NAV3: variants seen among roughly 807,000 people sequenced by gnomAD.
The protein encoded by NAV3 is pore membrane and/or filament interacting like protein 1.
Under a neutral mutation model 244.7 loss-of-function variants are expected in NAV3, and 87 were observed. The observed-to-expected ratio is 0.36, with a 90% CI of 0.30 to 0.42. NAV3 has a LOEUF of 0.42. NAV3 is among the 20% of genes least tolerant of loss of function. The probability of loss-of-function intolerance (pLI) is 1.00; values close to 1 mark genes in which losing one functional copy is unlikely to be tolerated. For synonymous variants in NAV3, 1,126 were observed against 1,042.2 expected, an observed-to-expected ratio of 1.08 and a Z score of -1.55; for missense variants, 2,663 against 2,893.3, an observed-to-expected ratio of 0.92 and a Z score of 1.83.
chr12:78,122,113 G>A lies in NAV3; in HGVS notation c.3923G>A (p.Ser1308Asn), dbSNP rs757221734. 1 of 1,614,152 alleles carries A rather than the reference G, an allele frequency of 6.2e-7. No individual in the cohort carries two copies. The highest frequency in any genetic ancestry group is 8.5e-7 in the Non-Finnish European group (1 of 1,180,032). Residue 1308 changes from serine (S) to asparagine (N), a missense_variant, in exon 16 of 40, where the codon AGC becomes AAC. Ser to Asn is a conservative substitution (Grantham distance 46). Around this residue, in one of 6 missense-constraint regions of NAV3, gnomAD observed 354 missense variants for 413.0 expected, o/e 0.86. Transcript: ENST00000397909. ...AGTGCTGGTGGGCTAAGCGGCAGCA[G>A]CAGCCCTCTCTTCAATAAACCCTCA... The part of the protein sequence containing the change: ...MGSAGGLSGS[S>N]SPLFNKPSDL...
chr12:78,096,233 G>C (rs1426421695), intron 12 of NAV3, among the ~76,000 whole-genome samples: 2 of 152,148 alleles, frequency 1.3e-5, no homozygotes, highest in Non-Finnish European at 2.9e-5. Flanking sequence ...CTCTTCTCTG[G>C]AGAGGAACAG....
rs2138702581 is a variant in NAV3, at chr12:78,122,342, C to A, written c.4152C>A (p.Gly1384=). The A allele has an allele frequency of 6.2e-7, 1 of 1,614,130 alleles. No homozygotes were observed. The highest frequency in any genetic ancestry group is 8.5e-7 in the Non-Finnish European group (1 of 1,180,024). The change falls in exon 16 of 40, where the codon GGC becomes GGA. Residue 1384 remains glycine, a synonymous_variant. Transcript: ENST00000397909. ...TTGACCTCCCCCTCAGCCATCATGG[C>A]TCCTTGTCTGGACTGACCACAGGCA... The part of the protein sequence containing the change: ...ESIDLPLSHH[G]SLSGLTTGTH...
At chr12:77,773,483 T>A (rs1364440182) in intron 2 of NAV3, among the ~76,000 whole-genome samples, 1 of 152,186 alleles carries the variant, frequency 6.6e-6, no homozygotes, top group Non-Finnish European at 1.5e-5. Context: ...GGAACATTTA[T>A]ATATGCTGGA....
intron 2 of NAV3, among the ~76,000 whole-genome samples, chr12:77,654,548 A>G (rs1872989976): frequency 1.3e-5 from 2 of 152,172 alleles, no homozygotes; most frequent in African/African-American, 2.4e-5. Context: ...ACAAAAAGAC[A>G]GCAGTAACCT....
chr12:78,104,911 A>G (rs952138101), intron 12 of NAV3, among the ~76,000 whole-genome samples: 1 of 152,166 alleles, frequency 6.6e-6, no homozygotes, highest in Non-Finnish European at 1.5e-5. Flanking sequence ...TCATGTATCA[A>G]TGGCTCAATC....
rs552630468 is a variant in NAV3 at position 77,809,000 on chromosome 12, T to A, written c.73-131319T>A. Among the ~76,000 whole-genome samples, 273 of 152,162 alleles carry A rather than the reference T, an allele frequency of 1.8e-3. 2 individuals carry two copies. Among genetic ancestry groups the A allele is most frequent in the Non-Finnish European group, 2.1e-3 (146 of 67,998 alleles). ...GAGGGGAAAACCACCTACTCAAGCC[T>A]CAGTAATGGCAGACCTCCCTTCCCC... is the stretch of plus-strand genomic sequence containing the variant. On this transcript the variant is annotated intron_variant, in intron 2 of 8. Transcript: ENST00000550042.
chr12:77,783,265 C>T (rs1450668955), intron 2 of NAV3: 1 of 152,078 alleles, frequency 6.6e-6, no homozygotes, highest in African/African-American at 2.4e-5. Flanking sequence ...CTTTCCAGAT[C>T]CAGCAAGGAG....
At chr12:77,625,013 G>A (rs1463558659) in intron 2 of NAV3, among the ~76,000 whole-genome samples, 1 of 152,078 alleles carries the variant, frequency 6.6e-6, no homozygotes, top group Non-Finnish European at 1.5e-5. Context: ...TATGGCACAT[G>A]TTTACCTGTG....
At chr12:77,770,842 A>T (rs1038544287) in intron 2 of NAV3, among the ~76,000 whole-genome samples, 1 of 152,340 alleles carries the variant, frequency 6.6e-6, no homozygotes, top group South Asian at 2.1e-4. Context: ...CCATTCAGGA[A>T]ATAAGCATGG....
intron 2 of NAV3, among the ~76,000 whole-genome samples, chr12:77,796,735 T>C (rs1871423784): frequency 6.6e-6 from 1 of 152,158 alleles, no homozygotes; most frequent in African/African-American, 2.4e-5. Context: ...TGCTGATCAG[T>C]CAGTGGCAGT....
intron 1 of NAV3, among the ~76,000 whole-genome samples, chr12:77,874,560 C>T (rs1881565181): frequency 6.6e-6 from 1 of 151,850 alleles, no homozygotes; most frequent in African/African-American, 2.4e-5. Flanking sequence ...TAAAAAAAAT[C>T]TAAACTTACT....
rs192295192 is a variant in NAV3, at chr12:78,039,653, T to G, written c.2024-10340T>G. ...TTGATTTCCTATTGAAAGATGGCAA[T>G]GCTGGCAGTGTTAATTACAATGTGT... On this transcript the variant is annotated intron_variant, in intron 9 of 39. Coordinates refer to ENST00000397909, the MANE Select transcript of NAV3 (RefSeq NM_001024383.2). 2.1e-3 allele frequency among the ~76,000 whole-genome samples: 316 copies of G among 152,250 alleles called. 7 individuals are homozygous for G. Among genetic ancestry groups the G allele is most frequent in the Admixed American group, 7.2e-4 (11 of 15,282 alleles).
intron 2 of NAV3, among the ~76,000 whole-genome samples, chr12:77,741,148 C>CAAAAAAAAAAAAAAAAAAGAAAAA (rs1868325681): frequency 1.5e-5 from 1 of 68,668 alleles, no homozygotes; most frequent in Non-Finnish European, 2.7e-5. Flanking sequence ...AAAAAAAAGA[C>CAAAAAAAAAAAAAAAAAAGAAAAA]AAAAAAAAAA....
At chr12:78,050,599 C>T (rs770113) in intron 10 of NAV3, among the ~76,000 whole-genome samples, 165 bp from the exon 11 acceptor site, 9,297 of 152,106 alleles carry the variant, frequency 0.061, 371 homozygotes, top group Non-Finnish European at 0.087. Context: ...AAATGTATGC[C>T]CCTTTCCACA....
chr12:77,968,326 C>T (rs569521432), intron 4 of NAV3, among the ~76,000 whole-genome samples, 193 bp from the exon 5 acceptor site: 1 of 152,168 alleles, frequency 6.6e-6, no homozygotes. Flanking sequence ...TATTCTCTCC[C>T]TGAAATTCCA....
At chr12:77,648,712 A>C (rs1001236068) in intron 2 of NAV3, among the ~76,000 whole-genome samples, 83 of 152,126 alleles carry the variant, frequency 5.5e-4, no homozygotes, top group Non-Finnish European at 1.3e-4. Context: ...CTTTTGCCTC[A>C]TGTGAAAGAG....
At chr12:77,723,264 A>G (rs1327374566) in intron 2 of NAV3, among the ~76,000 whole-genome samples, 1 of 91,008 alleles carries the variant, frequency 1.1e-5, no homozygotes, top group African/African-American at 2.6e-5. Flanking sequence ...GTGACTGCGA[A>G]TAAAGTAAAC....
At chr12:78,074,909 A>C (rs1328813547) in intron 12 of NAV3, among the ~76,000 whole-genome samples, 1 of 152,170 alleles carries the variant, frequency 6.6e-6, no homozygotes, top group Non-Finnish European at 1.5e-5. Context: ...ATAGTAGATA[A>C]CTGTCTCTTT....
At chr12:78,026,284 G>A (rs1347556674) in intron 9 of NAV3, among the ~76,000 whole-genome samples, 2 of 152,068 alleles carry the variant, frequency 1.3e-5, no homozygotes, top group Non-Finnish European at 2.9e-5. Flanking sequence ...CTTTCCGCTT[G>A]AATATCTCAC....
Sources: gnomAD v4.1 joint callset for allele counts (sites outside exome capture counted in the v4.1 genomes callset) on GRCh38, gnomAD v4.1.1 for gene constraint, gnomAD v4.1.1 regional missense constraint, MANE v1.5 for transcripts, NCBI Gene and HGNC (gene_info 2026-07-23, HGNC 2026-07-21) for gene names.